ARPC1B: variants seen among roughly 807,000 people sequenced by gnomAD.
The protein encoded by ARPC1B is actin related protein 2/3 complex subunit 1B.
Under a neutral mutation model 46.0 loss-of-function variants are expected in ARPC1B, and 29 were observed. That is an observed-to-expected ratio of 0.63 (90% CI 0.47 to 0.86). The LOEUF (loss-of-function observed/expected upper bound fraction) is 0.86, where lower values mean the gene tolerates loss of function less well. ARPC1B is among the 40% of genes least tolerant of loss of function. ARPC1B has a pLI of 0.00. For synonymous variants in ARPC1B, 201 were observed against 213.9 expected (o/e 0.94, Z 0.53); for missense variants, 469 against 529.4 (o/e 0.89, Z 1.12).
chr7:99,379,940 C>T (rs942675645), intron 1 of ARPC1B, among the ~76,000 whole-genome samples: 2 of 152,116 alleles, frequency 1.3e-5, no homozygotes, highest in Admixed American at 6.6e-5. Context: ...CCACTGTGCC[C>T]GGCTATCCCC....
chr7:99,386,460 G>C, intron 2 of ARPC1B: 1 of 629,880 alleles, frequency 1.6e-6, no homozygotes, highest in Middle Eastern at 2.5e-4. Context: ...ATAGGGTGGG[G>C]AGAGGTCCCA....
At chr7:99,379,019 C>T (rs1342156332) in intron 1 of ARPC1B, among the ~76,000 whole-genome samples, 1 of 152,052 alleles carries the variant, frequency 6.6e-6, no homozygotes, top group Non-Finnish European at 1.5e-5. Context: ...CCTCGTGATC[C>T]ACCCACCTCG....
At position 99,388,078 on chromosome 7, in the gene ARPC1B, GCGGCACAGACCGCAA is replaced by G. The variant is rs1208291521; in HGVS notation, c.212_226del (p.Gly71_Asn75del). On this transcript the variant is annotated inframe_deletion, in exon 4 of 10. Transcript: ENST00000646101. Reference sequence around the variant, plus strand: ...CCCGAGAGTAACCGTATTGTGACCTGCGGCACAGACCGCAACGCCTACGTGTGGACGCTGAAGGGC... The same window carrying G: ...CCCGAGAGTAACCGTATTGTGACCTGCGCCTACGTGTGGACGCTGAAGGGC... 2 of 1,613,242 alleles carry G rather than the reference GCGGCACAGACCGCAA, an allele frequency of 1.2e-6. No homozygotes were observed. Among genetic ancestry groups the G allele is most frequent in the Non-Finnish European group, 8.5e-7 (1 of 1,179,414 alleles).
At chr7:99,393,068 G>A (rs866465797) in intron 8 of ARPC1B, among the ~76,000 whole-genome samples, 192 bp downstream of exon 8, 27 of 152,192 alleles carry the variant, frequency 1.8e-4, no homozygotes, top group African/African-American at 6.5e-4. Context: ...CGGCGGGCCC[G>A]GACACGAGGG....
At position 99,388,191 on chromosome 7, in the gene ARPC1B, GA is replaced by G. The variant is rs769800244; in HGVS notation, c.323del (p.Glu108GlyfsTer12). The G allele has an allele frequency of 6.2e-7, 1 of 1,614,254 alleles. No individual in the cohort carries two copies. Among genetic ancestry groups the G allele is most frequent in the Admixed American group, 1.7e-5 (1 of 60,038 alleles). On this transcript the variant is annotated frameshift_variant, in exon 4 of 10. Transcript: ENST00000646101. LOFTEE classifies it high-confidence loss of function. ...AARCVRWAPN[E>X]NKFAVGSGSR... The stretch of plus-strand genomic sequence containing the variant: ...CCGCTGCGTGCGCTGGGCCCCCAAC[GA>G]GAACAAGTTTGCTGTGGGCAGCGGC...
intron 1 of ARPC1B, among the ~76,000 whole-genome samples, chr7:99,375,567 G>A (rs1364259109): frequency 2.5e-5 from 3 of 119,060 alleles, no homozygotes; most frequent in African/African-American, 2.2e-4. Flanking sequence ...GGGATCAGGA[G>A]TGCAAGCCTG....
At position 99,394,525 on chromosome 7, in the gene ARPC1B, G is replaced by A. The variant is rs1406504559; in HGVS notation, c.*36G>A. ...ATATGTTGCCTTCATCCTAGCTGCT[G>A]GGGAAGCGGGGAGAGGGGTCAGGGA... On this transcript the variant is annotated 3_prime_UTR_variant, in exon 10 of 10. Coordinates refer to ENST00000646101, the MANE Select transcript of ARPC1B (RefSeq NM_005720.4). 5 of 1,613,796 alleles carry A rather than the reference G, an allele frequency of 3.1e-6. No homozygotes were observed. In the African/African-American group the frequency reaches 6.7e-5, roughly 22 times the overall value.
At chr7:99,383,402 G>T (rs1794286656) in intron 1 of ARPC1B, among the ~76,000 whole-genome samples, 1 of 152,106 alleles carries the variant, frequency 6.6e-6, no homozygotes, top group African/African-American at 2.4e-5. Flanking sequence ...TTGTTCAGCG[G>T]ATATTTCTTG....
Position 99,392,679 on chromosome 7 carries a change from C to G in ARPC1B, c.792C>G (p.Asp264Glu). 1.3e-6 allele frequency: 2 copies of G among 1,528,418 alleles called. No homozygotes were observed. The highest frequency in any genetic ancestry group is 1.8e-6 in the Non-Finnish European group (2 of 1,131,654). 94.7% of individuals were successfully genotyped at this position (1,528,418 alleles called of 1,614,324 possible). The change falls in exon 8 of 10, where the codon GAC (aspartate) becomes GAG (glutamate). Residue 264 changes from aspartate (D) to glutamate (E), a missense_variant. Coordinates refer to ENST00000646101, the MANE Select transcript of ARPC1B (RefSeq NM_005720.4). ...CCCCGCCCTCCGCGCAGGGCCACGA[C>G]TGCTTCCCGGTGCTGTTCACCTATG... ...TDNSLVAAGH[D>E]CFPVLFTYDA... is the part of the protein sequence containing the mutation.
intron 1 of ARPC1B, among the ~76,000 whole-genome samples, chr7:99,385,253 G>T (rs1794350346): frequency 6.8e-6 from 1 of 147,414 alleles, no homozygotes; most frequent in South Asian, 2.2e-4. Flanking sequence ...ACCGGGCCTG[G>T]CCTGGATGAC....
rs1424208843 is a variant in ARPC1B at position 99,388,061 on chromosome 7, T to C, written c.192T>C (p.Ser64=). Residue 64 remains serine (S), a synonymous_variant, in exon 4 of 10, where the codon AGT becomes AGC. Transcript: ENST00000646101. ...QVTGIDWAPE[S]NRIVTCGTDR... ...CAGGCATCGACTGGGCCCCCGAGAG[T>C]AACCGTATTGTGACCTGCGGCACAG... 3.1e-6 allele frequency: 5 copies of C among 1,602,526 alleles called. No homozygotes were observed. The highest frequency in any genetic ancestry group is 3.4e-6 in the Non-Finnish European group (4 of 1,171,550).
intron 1 of ARPC1B, among the ~76,000 whole-genome samples, chr7:99,375,251 A>T (rs1370019352): frequency 1.3e-5 from 2 of 151,038 alleles, no homozygotes; most frequent in Non-Finnish European, 3.0e-5. Context: ...CCCCACACCC[A>T]GTCACTTCCC....
intron 3 of ARPC1B, 78 bp from the exon 4 acceptor site, chr7:99,387,961 C>A: frequency 1.1e-6 from 1 of 950,472 alleles, no homozygotes; most frequent in Non-Finnish European, 1.7e-6. Context: ...GGCCTTTCAG[C>A]CTCTCCCATG....
At chr7:99,385,311 G>GC (rs1289994814) in intron 1 of ARPC1B, among the ~76,000 whole-genome samples, 2 of 147,446 alleles carry the variant, frequency 1.4e-5, no homozygotes, top group Admixed American at 6.7e-5. Context: ...TGGGTGGGGG[G>GC]GGGGGGGTCG....
In ARPC1B at chr7:99,394,768, A is replaced by T; in HGVS notation, c.*279A>T. On this transcript the variant is annotated 3_prime_UTR_variant, in exon 10 of 10. Coordinates refer to ENST00000646101, the MANE Select transcript of ARPC1B (RefSeq NM_005720.4). Reference sequence around the variant, plus strand: ...TGCTTCAAAATGTGGAGGTAATAAAATGCAACTGTGTAAAAAAAAAAAAAA... The same window carrying T: ...TGCTTCAAAATGTGGAGGTAATAAATTGCAACTGTGTAAAAAAAAAAAAAA... The T allele has an allele frequency of 8.3e-7, 1 of 1,203,016 alleles. No individual in the cohort carries two copies. Among genetic ancestry groups the T allele is most frequent in the Non-Finnish European group, 1.0e-6 (1 of 974,540 alleles). 74.5% of individuals were successfully genotyped at this position (1,203,016 alleles called of 1,614,324 possible).
intron 1 of ARPC1B, among the ~76,000 whole-genome samples, chr7:99,375,544 C>G (rs1383394353): frequency 2.0e-5 from 3 of 150,388 alleles, no homozygotes; most frequent in Non-Finnish European, 4.4e-5. Flanking sequence ...GGGCTGCACC[C>G]GCGGGCAGTG....
At chr7:99,389,779 G>A in intron 4 of ARPC1B, 126 bp from the exon 5 acceptor site, 1 of 809,244 alleles carries the variant, frequency 1.2e-6, no homozygotes, top group African/African-American at 1.7e-5. Flanking sequence ...GCAATGCCCA[G>A]TCGCCTCTCT....
In ARPC1B at chr7:99,385,690, T is replaced by A. The variant is rs1794369129; in HGVS notation, c.-13-12T>A. On this transcript the variant is annotated splice_polypyrimidine_tract_variant and intron_variant, in intron 1 of 9. Coordinates refer to ENST00000646101, the MANE Select transcript of ARPC1B (RefSeq NM_005720.4). Reference sequence around the variant, plus strand: ...GGCTGACGTGGATTCTCTCTTCCTCTCTCGGGCACAGGAGCCAAGCCGCCA... The same window carrying A: ...GGCTGACGTGGATTCTCTCTTCCTCACTCGGGCACAGGAGCCAAGCCGCCA... 1 of 1,602,646 alleles carries A rather than the reference T, an allele frequency of 6.2e-7. No homozygotes were observed. Among genetic ancestry groups the A allele is most frequent in the East Asian group, 2.2e-5 (1 of 44,552 alleles).
At chr7:99,385,103 C>T (rs1794345727) in intron 1 of ARPC1B, among the ~76,000 whole-genome samples, 5 of 151,398 alleles carry the variant, frequency 3.3e-5, no homozygotes, top group South Asian at 4.2e-4. Context: ...TACAGGTGCC[C>T]GCCACCACAC....
Sources: allele counts gnomAD v4.1 joint callset (sites outside exome capture counted in the v4.1 genomes callset), GRCh38; gene constraint gnomAD v4.1.1; transcripts MANE v1.5; gene names NCBI Gene and HGNC (gene_info 2026-07-23, HGNC 2026-07-21).